The following SOX5 variants were observed in gnomAD, a reference collection of about 807,000 sequenced individuals.
SOX5 encodes transcription factor SOX-5.
Under a neutral mutation model 92.0 loss-of-function variants are expected in SOX5, and 9 were observed. The ratio of observed to expected loss-of-function variants is 0.10; its 90% confidence interval spans 0.06 to 0.17. The LOEUF is 0.17. SOX5 is among the 10% of genes least tolerant of loss of function. The probability of loss-of-function intolerance (pLI) is 1.00; values close to 1 mark genes in which losing one functional copy is unlikely to be tolerated. For synonymous variants in SOX5, 344 were observed against 336.3 expected (o/e 1.02, Z -0.25); for missense variants, 642 against 944.5 (o/e 0.68, Z 4.20).
intron 9 of SOX5, among the ~76,000 whole-genome samples, chr12:23,599,458 C>T (rs896622675): frequency 1.3e-5 from 2 of 152,232 alleles, no homozygotes; most frequent in Non-Finnish European, 2.9e-5. Flanking sequence ...GATAGAAACA[C>T]AACTGTGACT....
At chr12:24,519,836 C>T (rs965009125) in intron 1 of SOX5, among the ~76,000 whole-genome samples, 7 of 152,184 alleles carry the variant, frequency 4.6e-5, no homozygotes, top group African/African-American at 1.7e-4. Context: ...AACTCAGAGC[C>T]TCTCCAAAAT....
chr12:23,804,763 A>T (rs569179355), intron 3 of SOX5, among the ~76,000 whole-genome samples: 1 of 151,704 alleles, frequency 6.6e-6, no homozygotes, highest in East Asian at 1.9e-4. Flanking sequence ...ACCTTCGATG[A>T]CTAATTTGAA....
intron 3 of SOX5, among the ~76,000 whole-genome samples, chr12:23,783,921 C>T (rs1267564549): frequency 6.6e-6 from 1 of 152,084 alleles, no homozygotes; most frequent in Non-Finnish European, 1.5e-5. Context: ...CTCCTACCTG[C>T]CTTCATGGAG....
At chr12:23,653,293 T>C (rs1566733939) in intron 7 of SOX5, among the ~76,000 whole-genome samples, 1 of 151,132 alleles carries the variant, frequency 6.6e-6, no homozygotes, top group African/African-American at 2.4e-5. Context: ...GTCTTTAGGC[T>C]TTTTTTTTCT....
chr12:24,072,413 A>G lies in SOX5; in HGVS notation c.-2+140930T>C, dbSNP rs184779061. Reference sequence around the variant, plus strand: ...ACTACCACAATTTATGGAACAGATAACACCTGCAATGAAAGTCAGAAAGGG... The same window carrying G: ...ACTACCACAATTTATGGAACAGATAGCACCTGCAATGAAAGTCAGAAAGGG... On this transcript the variant is annotated intron_variant, in intron 4 of 4. Coordinates refer to the SOX5 transcript ENST00000446891. Among the ~76,000 whole-genome samples, 5 of 152,342 alleles carry G rather than the reference A, an allele frequency of 3.3e-5. No homozygotes were observed. In the East Asian group the frequency reaches 7.7e-4, roughly 23 times the overall value.
chr12:24,530,019 C>CAAAAAAAA (rs34105691), intron 1 of SOX5, among the ~76,000 whole-genome samples: 1 of 72,986 alleles, frequency 1.4e-5, no homozygotes, highest in Non-Finnish European at 2.6e-5. Context: ...GACTCCGTCT[C>CAAAAAAAA]AAAAAAAAAA....
At chr12:24,364,869 G>C (rs1228937044) in intron 2 of SOX5, among the ~76,000 whole-genome samples, 1 of 151,958 alleles carries the variant, frequency 6.6e-6, no homozygotes, top group Non-Finnish European at 1.5e-5. Flanking sequence ...AGCAAGAACT[G>C]GTGGCAAACA....
intron 3 of SOX5, among the ~76,000 whole-genome samples, chr12:23,759,010 AACACACACACACACACACAGAC>A (rs2094488438): frequency 9.2e-6 from 1 of 108,358 alleles, no homozygotes; most frequent in African/African-American, 3.3e-5. Context: ...GGCAACACAA[AACACACACACACACACACAGAC>A]ACACACACAC....
intron 8 of SOX5, among the ~76,000 whole-genome samples, chr12:23,612,802 A>G (rs538718822): frequency 6.6e-6 from 1 of 152,298 alleles, no homozygotes; most frequent in South Asian, 2.1e-4. Context: ...GAGGAGGAAC[A>G]GGGAATATCA....
At chr12:24,452,591 C>G (rs1010570323) in intron 1 of SOX5, among the ~76,000 whole-genome samples, 12 of 152,198 alleles carry the variant, frequency 7.9e-5, no homozygotes, top group African/African-American at 2.9e-4. Flanking sequence ...CCACCAAGGA[C>G]ATCACCCTGC....
intron 4 of SOX5, among the ~76,000 whole-genome samples, chr12:24,115,146 G>T (rs1428926923): frequency 6.6e-6 from 1 of 152,104 alleles, no homozygotes; most frequent in Non-Finnish European, 1.5e-5. Context: ...ACAAAGTGCA[G>T]AAAGTAAAGC....
At chr12:23,769,542 C>G (rs904791960) in intron 3 of SOX5, among the ~76,000 whole-genome samples, 2 of 152,076 alleles carry the variant, frequency 1.3e-5, no homozygotes, top group African/African-American at 4.8e-5. Flanking sequence ...AGTTGGACAC[C>G]TACAATTTAC....
intron 1 of SOX5, among the ~76,000 whole-genome samples, chr12:24,548,138 G>C (rs1005423495): frequency 1.3e-5 from 2 of 152,128 alleles, no homozygotes; most frequent in African/African-American, 4.8e-5. Flanking sequence ...ATCAGACTCA[G>C]AGGGCTCAAG....
chr12:23,750,515 T>C (rs1245181829), intron 4 of SOX5, among the ~76,000 whole-genome samples: 3 of 151,906 alleles, frequency 2.0e-5, no homozygotes, highest in East Asian at 1.9e-4. Context: ...TTTAGGTTAA[T>C]TGCATTACCC....
chr12:24,300,307 A>G (rs1947806042), intron 2 of SOX5, among the ~76,000 whole-genome samples: 1 of 152,218 alleles, frequency 6.6e-6, no homozygotes, highest in East Asian at 1.9e-4. Flanking sequence ...ATTCAGCTAT[A>G]TCTGCATTAA....
At chr12:24,480,471 A>G (rs1945860549) in intron 1 of SOX5, among the ~76,000 whole-genome samples, 1 of 152,168 alleles carries the variant, frequency 6.6e-6, no homozygotes, top group African/African-American at 2.4e-5. Context: ...TGAAGAGACA[A>G]CCCACGGCCT....
At chr12:23,664,809 CAAT>C (rs1250965093) in intron 7 of SOX5, among the ~76,000 whole-genome samples, 3 of 152,040 alleles carry the variant, frequency 2.0e-5, no homozygotes, top group Non-Finnish European at 4.4e-5. Context: ...TGAGATACAA[CAAT>C]GAGTATGACA....
At position 23,558,383 on chromosome 12, in the gene SOX5, C is replaced by G. The variant is rs758589084; in HGVS notation, c.1488+4875G>C. On this transcript the variant is annotated intron_variant, in intron 11 of 14. Coordinates refer to ENST00000451604, the MANE Select transcript of SOX5 (RefSeq NM_006940.6). ...CTTGAGAAGAGGAATGAAATACCCCCGTATGAATGAAGACTGAAGTTAGCA... is the reference window on the plus strand; with the variant it reads ...CTTGAGAAGAGGAATGAAATACCCCGGTATGAATGAAGACTGAAGTTAGCA... Among the ~76,000 whole-genome samples, 7 of 152,248 alleles carry G rather than the reference C, an allele frequency of 4.6e-5. No individual in the cohort carries two copies. The East Asian group carries it at 7.7e-4, about 17-fold the overall frequency.
At chr12:23,869,348 C>A (rs779026466) in intron 2 of SOX5, among the ~76,000 whole-genome samples, 1 of 152,144 alleles carries the variant, frequency 6.6e-6, no homozygotes, top group African/African-American at 2.4e-5. Flanking sequence ...TTATTATAAG[C>A]TCTTTTCCCT....
Sources: allele counts gnomAD v4.1 joint callset (sites outside exome capture counted in the v4.1 genomes callset), GRCh38; gene constraint gnomAD v4.1.1; transcripts MANE v1.5; gene names NCBI Gene and HGNC (gene_info 2026-07-23, HGNC 2026-07-21).